The following MAGI1 variants were observed in gnomAD, a reference collection of about 807,000 sequenced individuals.
MAGI1 encodes the protein membrane associated guanylate kinase, WW and PDZ domain containing 1, also known as membrane-associated guanylate kinase, WW and PDZ domain-containing protein 1.
MAGI1 carries 58 observed loss-of-function variants against 139.9 expected under a neutral mutation model. The ratio of observed to expected loss-of-function variants is 0.41; its 90% CI spans 0.34 to 0.52. The LOEUF (loss-of-function observed/expected upper bound fraction) is 0.52. Among genes scored for constraint, MAGI1 ranks in the 20% least tolerant of loss-of-function variants. The probability of loss-of-function intolerance (pLI) is 0.12; values close to 1 mark genes in which losing one functional copy is unlikely to be tolerated. For missense variants in MAGI1, 1,874 were observed against 1,901.6 expected (o/e 0.99, Z 0.27); for synonymous variants, 812 against 737.9 (o/e 1.10, Z -1.63).
intron 1 of MAGI1, among the ~76,000 whole-genome samples, chr3:66,028,154 A>G (rs1227488483): frequency 6.6e-6 from 1 of 152,004 alleles, no homozygotes; most frequent in African/African-American, 2.4e-5. Flanking sequence ...ACAAACAAAT[A>G]GCCAGGTGTG....
At chr3:65,443,783 A>G (rs1392773938) in intron 7 of MAGI1, among the ~76,000 whole-genome samples, 1 of 152,220 alleles carries the variant, frequency 6.6e-6, no homozygotes, top group African/African-American at 2.4e-5. Flanking sequence ...CTTATGTAAC[A>G]CCACACTCTA....
intron 1 of MAGI1, among the ~76,000 whole-genome samples, chr3:65,999,649 T>A (rs1269998320): frequency 2.0e-5 from 3 of 152,298 alleles, no homozygotes; most frequent in Middle Eastern, 3.4e-3. Flanking sequence ...ATGGTATTAA[T>A]GTTGGTTTAT....
chr3:65,952,865 T>G (rs1368660453), intron 1 of MAGI1, among the ~76,000 whole-genome samples: 1 of 152,146 alleles, frequency 6.6e-6, no homozygotes, highest in Non-Finnish European at 1.5e-5. Context: ...TGGCACTTCA[T>G]ATAATTAACT....
intron 1 of MAGI1, among the ~76,000 whole-genome samples, chr3:65,772,315 T>G (rs1400888167): frequency 6.6e-6 from 1 of 152,248 alleles, no homozygotes; most frequent in Non-Finnish European, 1.5e-5. Flanking sequence ...TGTGTCTCCC[T>G]GTTAACATTG....
chr3:65,888,896 AT>A (rs1158472101), intron 1 of MAGI1, among the ~76,000 whole-genome samples: 1 of 152,044 alleles, frequency 6.6e-6, no homozygotes, highest in Middle Eastern at 3.2e-3. Flanking sequence ...CGCTAAAAAA[AT>A]GTGAGTAAAA....
intron 1 of MAGI1, among the ~76,000 whole-genome samples, chr3:65,942,286 A>G (rs897786501): frequency 6.6e-6 from 1 of 152,092 alleles, no homozygotes; most frequent in Non-Finnish European, 1.5e-5. Context: ...ATTCAGTTGT[A>G]AACCAAAAGA....
At chr3:65,872,463 T>C (rs913143148) in intron 1 of MAGI1, among the ~76,000 whole-genome samples, 2 of 152,150 alleles carry the variant, frequency 1.3e-5, no homozygotes, top group Non-Finnish European at 2.9e-5. Context: ...GTCCCTAACC[T>C]GCACACACTG....
intron 1 of MAGI1, among the ~76,000 whole-genome samples, chr3:65,767,505 T>C (rs1026244782): frequency 2.6e-5 from 4 of 152,168 alleles, no homozygotes; most frequent in African/African-American, 9.7e-5. Flanking sequence ...CAAAGCATTT[T>C]CAAAATTCCT....
intron 1 of MAGI1, among the ~76,000 whole-genome samples, chr3:65,961,123 G>C (rs1175503287): frequency 6.6e-6 from 1 of 152,196 alleles, no homozygotes; most frequent in Non-Finnish European, 1.5e-5. Context: ...AGGGATAAGA[G>C]GGGAAGGCAG....
chr3:65,589,211 C>T (rs530796811), intron 2 of MAGI1, among the ~76,000 whole-genome samples: 3 of 152,196 alleles, frequency 2.0e-5, no homozygotes, highest in African/African-American at 7.2e-5. Context: ...TACAATGGGG[C>T]AGTGAAATAA....
intron 1 of MAGI1, among the ~76,000 whole-genome samples, chr3:65,666,865 C>T (rs2107434176): frequency 6.6e-6 from 1 of 152,320 alleles, no homozygotes; most frequent in East Asian, 1.9e-4. Context: ...GCACCCTTTG[C>T]TCATGACCAC....
chr3:65,905,153 T>A (rs1380131488), intron 1 of MAGI1, among the ~76,000 whole-genome samples: 1 of 152,234 alleles, frequency 6.6e-6, no homozygotes, highest in Non-Finnish European at 1.5e-5. Flanking sequence ...TTTATGTGAT[T>A]TAAATGATAT....
In MAGI1 at chr3:65,430,796, G is replaced by A. The variant is rs1947396958; in HGVS notation, c.1449C>T (p.Gly483=). The A allele has an allele frequency of 3.1e-6, 5 of 1,613,570 alleles. No individual in the cohort carries two copies. The highest frequency in any genetic ancestry group is 3.4e-6 in the Non-Finnish European group (4 of 1,179,816). Residue 483 remains glycine (G), a synonymous_variant, in exon 11 of 23, where the codon GGC becomes GGT. Transcript: ENST00000402939. ...TKLRKSSRGF[G]FTVVGGDEPD... ...GTTCATCCCCTCCAACCACCGTGAA[G>A]CCAAAGCCACGACTGCTTTTCCGCA...
At chr3:65,763,056 T>G (rs552211059) in intron 1 of MAGI1, among the ~76,000 whole-genome samples, 34 of 152,312 alleles carry the variant, frequency 2.2e-4, no homozygotes, top group South Asian at 1.2e-3. Flanking sequence ...AGGGGATATC[T>G]GCAGTGCAAG....
intron 1 of MAGI1, among the ~76,000 whole-genome samples, chr3:65,678,622 T>G (rs2087355594): frequency 6.6e-6 from 1 of 152,138 alleles, no homozygotes; most frequent in African/African-American, 2.4e-5. Context: ...GGAAGCATAC[T>G]CATATCTGGT....
chr3:65,958,930 T>C (rs1198852110), intron 1 of MAGI1, among the ~76,000 whole-genome samples: 3 of 151,576 alleles, frequency 2.0e-5, no homozygotes, highest in African/African-American at 7.3e-5. Context: ...GAGGATACAG[T>C]GAGCTGAGAT....
At chr3:65,531,160 A>C (rs10866073) in intron 2 of MAGI1, among the ~76,000 whole-genome samples, 58,733 of 150,682 alleles carry the variant, frequency 0.39, 11,620 homozygotes, top group Middle Eastern at 0.43. Flanking sequence ...TCAGGACACA[A>C]AAAAAAAATC....
chr3:65,815,561 C>CA, intron 1 of MAGI1, among the ~76,000 whole-genome samples: 1 of 152,026 alleles, frequency 6.6e-6, no homozygotes, highest in Non-Finnish European at 1.5e-5. Flanking sequence ...ACAGGCAGAG[C>CA]AAAATCCATG....
At chr3:65,441,854 C>T (rs1269212030) in intron 8 of MAGI1, among the ~76,000 whole-genome samples, 1 of 152,158 alleles carries the variant, frequency 6.6e-6, no homozygotes, top group African/African-American at 2.4e-5. Flanking sequence ...TGCTGGGCAT[C>T]TATTTTATGG....
Sources: gnomAD v4.1 joint callset for allele counts (sites outside exome capture counted in the v4.1 genomes callset) on GRCh38, gnomAD v4.1.1 for gene constraint, MANE v1.5 for transcripts, NCBI Gene and HGNC (gene_info 2026-07-23, HGNC 2026-07-21) for gene names.